FNBP4: variants seen among roughly 807,000 people sequenced by gnomAD.
FNBP4 encodes the protein formin binding protein 4.
FNBP4 carries 34 observed loss-of-function variants against 119.3 expected under a neutral mutation model. That is an observed-to-expected ratio of 0.28 (90% CI 0.22 to 0.38). The LOEUF (loss-of-function observed/expected upper bound fraction) is 0.38. Among genes scored for constraint, FNBP4 ranks in the 10% least tolerant of loss-of-function variants. FNBP4 has a pLI of 1.00. For synonymous variants in FNBP4, 462 were observed against 430.6 expected (o/e 1.07, Z -0.90); for missense variants, 1,112 against 1,228.9 (o/e 0.90, Z 1.42).
At chr11:47,739,919 C>T (rs11602339) in intron 8 of FNBP4, among the ~76,000 whole-genome samples, 41,883 of 151,778 alleles carry the variant, frequency 0.28, 6,805 homozygotes, top group Middle Eastern at 0.38. Flanking sequence ...GCTGGGATTA[C>T]AGGCATGCGC....
chr11:47,741,636 T>G lies in FNBP4; in HGVS notation c.1456+2317A>C, dbSNP rs1406009665. 2.6e-5 allele frequency among the ~76,000 whole-genome samples: 4 copies of G among 151,568 alleles called. No homozygotes were observed. In the South Asian group the frequency reaches 8.3e-4, roughly 31 times the overall value. On this transcript the variant is annotated intron_variant, in intron 8 of 16. Coordinates refer to ENST00000263773, the MANE Select transcript of FNBP4 (RefSeq NM_015308.5). ...TTCAAGAACAGCCTGGCCAAGATGG[T>G]GAAACCCCATCTCTACTAAAAATAC...
chr11:47,746,993 C>G (rs1054389451), intron 6 of FNBP4, among the ~76,000 whole-genome samples: 5 of 152,096 alleles, frequency 3.3e-5, no homozygotes, highest in Admixed American at 3.3e-4. Flanking sequence ...AGTATTTTGT[C>G]AGCTCATAAC....
intron 3 of FNBP4, among the ~76,000 whole-genome samples, chr11:47,754,034 G>A (rs564316460): frequency 1.3e-5 from 2 of 148,428 alleles, no homozygotes; most frequent in African/African-American, 2.5e-5. Flanking sequence ...GTGAAACCCC[G>A]TCTCTACCAA....
At chr11:47,746,492 G>T in intron 6 of FNBP4, 98 bp from the exon 7 acceptor site, 3 of 1,074,938 alleles carry the variant, frequency 2.8e-6, no homozygotes, top group Non-Finnish European at 3.9e-6. Flanking sequence ...ACTGTTTTCA[G>T]TAGCTGAATA....
intron 12 of FNBP4, among the ~76,000 whole-genome samples, chr11:47,731,040 G>A (rs1358552111): frequency 6.6e-6 from 1 of 152,112 alleles, no homozygotes; most frequent in Non-Finnish European, 1.5e-5. Flanking sequence ...CACATATATT[G>A]ACAGTTCAAC....
chr11:47,722,157 T>C (rs2097556505), intron 15 of FNBP4, among the ~76,000 whole-genome samples: 2 of 151,268 alleles, frequency 1.3e-5, no homozygotes, highest in East Asian at 3.9e-4. Flanking sequence ...TTTTTTTTTT[T>C]TGTCTGTTTG....
chr11:47,724,270 C>G, intron 13 of FNBP4, 98 bp from the exon 14 acceptor site: 1 of 1,538,112 alleles, frequency 6.5e-7, no homozygotes, highest in Non-Finnish European at 8.8e-7. Flanking sequence ...TTCTGTTGCA[C>G]AAGCTGCAGT....
chr11:47,763,132 G>A (rs1396083526), intron 2 of FNBP4, among the ~76,000 whole-genome samples: 1 of 152,058 alleles, frequency 6.6e-6, no homozygotes. Context: ...TTAAACCCTA[G>A]AGTTGTAAGA....
At chr11:47,754,209 G>GAA (rs540739941) in intron 3 of FNBP4, among the ~76,000 whole-genome samples, 8 of 108,186 alleles carry the variant, frequency 7.4e-5, no homozygotes, top group East Asian at 2.7e-4. Flanking sequence ...TCTATCTCAA[G>GAA]AAAAAAAAAA....
intron 6 of FNBP4, among the ~76,000 whole-genome samples, chr11:47,747,618 T>C (rs1016171185): frequency 1.3e-5 from 2 of 151,916 alleles, no homozygotes; most frequent in Admixed American, 1.3e-4. Context: ...GATAAGAAAA[T>C]TTAGTAAGTA....
In FNBP4 at chr11:47,723,074, T is replaced by C. The variant is rs780645269; in HGVS notation, c.2707A>G (p.Ile903Val). 2 of 1,609,306 alleles carry C rather than the reference T, an allele frequency of 1.2e-6. No homozygotes were observed. Among genetic ancestry groups the C allele is most frequent in the African/African-American group, 1.3e-5 (1 of 74,824 alleles). ...GGAGGAGGTGGTGGTGGTGGTTCTA[T>C]AATGGTAGCGGTAGGCACAGCACCT... is the stretch of plus-strand genomic sequence containing the variant. ...ARGAVPTATI[I>V]EPPPPPPPPP... Residue 903 changes from isoleucine (I) to valine (V), a missense_variant, in exon 15 of 17, where the codon ATA becomes GTA. This residue lies in a region of FNBP4 where 826 missense variants were observed against 988.8 expected (regional missense o/e 0.84). Transcript: ENST00000263773.
chr11:47,729,109 C>T lies in FNBP4; in HGVS notation c.2008+2265G>A, dbSNP rs141983365. On this transcript the variant is annotated intron_variant, in intron 12 of 16. Coordinates refer to ENST00000263773, the MANE Select transcript of FNBP4 (RefSeq NM_015308.5). ...TCAGGTGATCCACCCGCCTCAGCCCCCCAAAGTATTGGGATTACAGGCATG... is the reference window on the plus strand; with the variant it reads ...TCAGGTGATCCACCCGCCTCAGCCCTCCAAAGTATTGGGATTACAGGCATG... 7,297 of 962,968 alleles carry T rather than the reference C, an allele frequency of 7.6e-3. 411 individuals carry two copies. In the African/African-American group the frequency reaches 0.12, roughly 16 times the overall value. The allele number at this position is 962,968 out of a possible 1,614,324, so 59.7% of individuals were successfully genotyped here. A position where few individuals can be genotyped will look rare whatever the true frequency, so the allele number is the denominator to read the frequency against.
intron 4 of FNBP4, among the ~76,000 whole-genome samples, chr11:47,752,564 T>C (rs1300544009): frequency 6.6e-6 from 1 of 152,002 alleles, no homozygotes; most frequent in Non-Finnish European, 1.5e-5. Flanking sequence ...ATCCTAGCAC[T>C]GTGGGAGGCC....
At chr11:47,730,568 T>C (rs1042255504) in intron 12 of FNBP4, among the ~76,000 whole-genome samples, 2 of 152,250 alleles carry the variant, frequency 1.3e-5, no homozygotes, top group Admixed American at 6.5e-5. Flanking sequence ...AACTCTGTTA[T>C]TGACAAATTT....
Position 47,753,592 on chromosome 11 carries a change from A to C in FNBP4, c.451-490T>G, listed in dbSNP as rs2097608998. 2.6e-5 allele frequency among the ~76,000 whole-genome samples: 4 copies of C among 151,954 alleles called. No homozygotes were observed. In the South Asian group the frequency reaches 8.3e-4, roughly 32 times the overall value. The stretch of plus-strand genomic sequence containing the variant: ...CGCTACTGCATTCCAACCTGGGTGA[A>C]AGAGCAAGACTCTGTCTCAAAAAAA... On this transcript the variant is annotated intron_variant, in intron 3 of 16. Coordinates refer to ENST00000263773, the MANE Select transcript of FNBP4 (RefSeq NM_015308.5).
At chr11:47,756,361 G>A (rs992369497) in intron 2 of FNBP4, among the ~76,000 whole-genome samples, 1 of 152,052 alleles carries the variant, frequency 6.6e-6, no homozygotes, top group Non-Finnish European at 1.5e-5. Context: ...CTAAAAAGTT[G>A]GTAAATGAAC....
At chr11:47,723,877 A>T in intron 14 of FNBP4, 151 bp downstream of exon 14, 2 of 712,764 alleles carry the variant, frequency 2.8e-6, no homozygotes, top group Non-Finnish European at 2.1e-6. Context: ...AAACTGTCAA[A>T]AGTTTTTTTT....
At chr11:47,733,535 A>G (rs1307808950) in intron 10 of FNBP4, among the ~76,000 whole-genome samples, 1 of 152,030 alleles carries the variant, frequency 6.6e-6, no homozygotes, top group East Asian at 1.9e-4. Flanking sequence ...GAGTTTCACC[A>G]TGTTGGTCAG....
chr11:47,726,611 G>A (rs1336722506), intron 12 of FNBP4: 4 of 151,802 alleles, frequency 2.6e-5, no homozygotes, highest in Non-Finnish European at 5.9e-5. Flanking sequence ...AATTCACCAG[G>A]AACATAAATG....
Sources: gnomAD v4.1 joint callset for allele counts (sites outside exome capture counted in the v4.1 genomes callset) on GRCh38, gnomAD v4.1.1 for gene constraint, gnomAD v4.1.1 regional missense constraint, MANE v1.5 for transcripts, NCBI Gene and HGNC (gene_info 2026-07-23, HGNC 2026-07-21) for gene names.